PTPRG: variants seen among roughly 807,000 people sequenced by gnomAD.
PTPRG encodes receptor-type tyrosine-protein phosphatase gamma.
PTPRG carries 102 observed loss-of-function variants against 165.3 expected under a neutral mutation model. That is an observed-to-expected ratio of 0.62 (90% CI 0.53 to 0.73). PTPRG has a LOEUF of 0.73. PTPRG is among the 30% of genes least tolerant of loss of function. PTPRG has a pLI of 0.00. For missense variants in PTPRG, 1,866 were observed against 1,861.4 expected, an observed-to-expected ratio of 1.00 and a Z score of -0.05; for synonymous variants, 675 against 669.5, an observed-to-expected ratio of 1.01 and a Z score of -0.13.
intron 2 of PTPRG, among the ~76,000 whole-genome samples, chr3:61,936,661 T>C (rs993655878): frequency 1.2e-4 from 19 of 152,174 alleles, no homozygotes; most frequent in African/African-American, 4.6e-4. Context: ...TTCCTTAACA[T>C]GTCTACTATG....
At chr3:62,260,901 G>A (rs1701676457) in intron 16 of PTPRG, 1 of 152,070 alleles carries the variant, frequency 6.6e-6, no homozygotes, top group Admixed American at 6.6e-5. Context: ...ACGATTTTTT[G>A]TTTCTGTCAT....
At chr3:61,741,710 G>T (rs1328729251) in intron 1 of PTPRG, among the ~76,000 whole-genome samples, 2 of 152,026 alleles carry the variant, frequency 1.3e-5, no homozygotes, top group Non-Finnish European at 2.9e-5. Context: ...AGGTCAAGTC[G>T]ACATGGCTGG....
intron 5 of PTPRG, among the ~76,000 whole-genome samples, chr3:62,102,823 C>T (rs1191114451): frequency 6.6e-6 from 1 of 152,132 alleles, no homozygotes; most frequent in Non-Finnish European, 1.5e-5. Context: ...GTGTATTGTG[C>T]TGAAATCTAA....
chr3:61,847,546 C>T (rs1168256979), intron 2 of PTPRG, among the ~76,000 whole-genome samples: 2 of 152,190 alleles, frequency 1.3e-5, no homozygotes, highest in African/African-American at 4.8e-5. Context: ...GCTCAGGAGC[C>T]AGTGTGGCTA....
At chr3:62,102,550 C>T (rs1468806049) in intron 5 of PTPRG, among the ~76,000 whole-genome samples, 5 of 152,162 alleles carry the variant, frequency 3.3e-5, no homozygotes, top group Non-Finnish European at 5.9e-5. Flanking sequence ...GGATTACAGG[C>T]GTGAGCCACC....
intron 2 of PTPRG, among the ~76,000 whole-genome samples, chr3:61,888,489 C>A (rs1044255908): frequency 6.6e-6 from 1 of 151,970 alleles, no homozygotes. Flanking sequence ...TGCCACTATG[C>A]GCGGCTAATT....
chr3:61,804,439 G>T (rs2035350469), intron 2 of PTPRG, among the ~76,000 whole-genome samples: 1 of 152,142 alleles, frequency 6.6e-6, no homozygotes, highest in South Asian at 2.1e-4. Flanking sequence ...CAAGCTGCCA[G>T]GCTTGGTTTG....
chr3:62,282,790 A>G lies in PTPRG; in HGVS notation c.3976A>G (p.Ile1326Val), dbSNP rs375595940. 4.8e-5 allele frequency: 77 copies of G among 1,612,664 alleles called. No homozygotes were observed. The highest frequency in any genetic ancestry group is 1.9e-4 in the African/African-American group (14 of 74,792). The change falls in exon 28 of 30, where the codon ATA becomes GTA. Residue 1326 changes from isoleucine (I) to valine (V), a missense_variant. Ile to Val is a conservative substitution (Grantham distance 29). This residue lies in a region of PTPRG where 1,452 missense variants were observed against 1,463.0 expected (regional missense o/e 0.99). Coordinates refer to ENST00000474889, the MANE Select transcript of PTPRG (RefSeq NM_002841.4). Reference protein sequence around the residue: ...CPKWPNPDAPISSTFELINVI... With the variant: ...CPKWPNPDAPVSSTFELINVI... ...CAAATGGCCTAACCCAGATGCCCCC[A>G]TAAGTAGTACCTTTGAACTTATCAA...
intron 11 of PTPRG, 118 bp downstream of exon 11, chr3:62,201,672 T>C: frequency 3.7e-6 from 3 of 819,292 alleles, no homozygotes; most frequent in Non-Finnish European, 5.5e-6. Flanking sequence ...AAAGCGGTTA[T>C]AGTAGAGAAA....
intron 1 of PTPRG, among the ~76,000 whole-genome samples, chr3:61,722,688 G>T (rs2032101447): frequency 1.3e-5 from 2 of 152,154 alleles, no homozygotes; most frequent in Non-Finnish European, 2.9e-5. Flanking sequence ...ACTTCAAAGT[G>T]AAATTGTAAT....
chr3:62,284,605 C>G (rs1702568565), intron 28 of PTPRG, among the ~76,000 whole-genome samples: 1 of 152,084 alleles, frequency 6.6e-6, no homozygotes, highest in South Asian at 2.1e-4. Flanking sequence ...ACACCAGTTC[C>G]TTTTCAGTTT....
chr3:62,235,180 G>A (rs1218624824), intron 14 of PTPRG, among the ~76,000 whole-genome samples: 2 of 152,156 alleles, frequency 1.3e-5, no homozygotes, highest in African/African-American at 4.8e-5. Flanking sequence ...TCCCCAAAAT[G>A]AGTTGGACTA....
At chr3:62,160,647 T>A (rs1704719844) in intron 7 of PTPRG, among the ~76,000 whole-genome samples, 1 of 152,254 alleles carries the variant, frequency 6.6e-6, no homozygotes, top group South Asian at 2.1e-4. Flanking sequence ...AGGATTTGTT[T>A]TCTTCTAGAA....
At chr3:62,134,183 C>T (rs545612553) in intron 6 of PTPRG, among the ~76,000 whole-genome samples, 9 of 152,210 alleles carry the variant, frequency 5.9e-5, no homozygotes, top group Admixed American at 2.6e-4. Context: ...TATGGAAAAA[C>T]GATATCTGGC....
At chr3:61,772,229 T>A (rs976204774) in intron 2 of PTPRG, among the ~76,000 whole-genome samples, 2 of 152,016 alleles carry the variant, frequency 1.3e-5, no homozygotes, top group Admixed American at 1.3e-4. Flanking sequence ...GTGTAAAATA[T>A]GTTCTTGGAG....
intron 4 of PTPRG, among the ~76,000 whole-genome samples, chr3:62,042,408 C>T (rs1700157529): frequency 6.6e-6 from 1 of 152,178 alleles, no homozygotes; most frequent in Non-Finnish European, 1.5e-5. Context: ...TTTGTTATGC[C>T]AAAACCCCTT....
chr3:62,105,824 G>A lies in PTPRG; in HGVS notation c.616-26778G>A, dbSNP rs549116214. ...AGTTGCCCAACATTCATATGTCAAC[G>A]TAGATCTCTTGGTGTCTTCTCAAGG... On this transcript the variant is annotated intron_variant, in intron 5 of 29. Coordinates refer to ENST00000474889, the MANE Select transcript of PTPRG (RefSeq NM_002841.4). Among the ~76,000 whole-genome samples the A allele has an allele frequency of 1.4e-4, 21 of 152,264 alleles. 1 individual carries two copies. The South Asian group carries it at 3.3e-3, about 24-fold the overall frequency.
chr3:62,282,507 G>A (rs1559758461), intron 27 of PTPRG, among the ~76,000 whole-genome samples: 1 of 149,270 alleles, frequency 6.7e-6, no homozygotes, highest in Non-Finnish European at 1.5e-5. Flanking sequence ...TGAATTACAG[G>A]CATGAACCAC....
intron 2 of PTPRG, among the ~76,000 whole-genome samples, chr3:61,832,538 A>T (rs964450840): frequency 1.3e-5 from 2 of 152,142 alleles, no homozygotes; most frequent in Non-Finnish European, 1.5e-5. Flanking sequence ...CTGTGTGTAC[A>T]GCCTTCAGGG....
Sources: gnomAD v4.1 joint callset for allele counts (sites outside exome capture counted in the v4.1 genomes callset) on GRCh38, gnomAD v4.1.1 for gene constraint, gnomAD v4.1.1 regional missense constraint, MANE v1.5 for transcripts, NCBI Gene and HGNC (gene_info 2026-07-23, HGNC 2026-07-21) for gene names.